CADM1: variants seen among roughly 807,000 people sequenced by gnomAD.
The protein encoded by CADM1 is cell adhesion molecule 1, also known as TSLC-1.
A neutral mutation model predicts 53.1 loss-of-function variants in CADM1; 15 were observed. That is an observed-to-expected ratio of 0.28 (90% CI 0.19 to 0.44). The LOEUF (loss-of-function observed/expected upper bound fraction) is 0.44. CADM1 is among the 20% of genes least tolerant of loss of function. The pLI is 1.00. For missense variants in CADM1, 434 were observed against 611.3 expected (o/e 0.71, Z 3.06); for synonymous variants, 281 against 243.0 (o/e 1.16, Z -1.45).
intron 1 of CADM1, among the ~76,000 whole-genome samples, chr11:115,284,087 A>ACTCTCTCTCTCTCTCTCTCTCTCTCTCT (rs141079093): frequency 5.9e-4 from 28 of 47,576 alleles, no homozygotes; most frequent in East Asian, 3.5e-3. Flanking sequence ...AAGCCCAGAC[A>ACTCTCTCTCTCTCTCTCTCTCTCTCTCT]CTCTCTCTCT....
At chr11:115,334,546 T>C (rs1483908001) in intron 1 of CADM1, among the ~76,000 whole-genome samples, 1 of 152,160 alleles carries the variant, frequency 6.6e-6, no homozygotes, top group Non-Finnish European at 1.5e-5. Context: ...ATAATTGTTT[T>C]ATTGTTGTTG....
At chr11:115,356,591 T>A (rs974744551) in intron 1 of CADM1, among the ~76,000 whole-genome samples, 2 of 152,188 alleles carry the variant, frequency 1.3e-5, no homozygotes, top group African/African-American at 4.8e-5. Flanking sequence ...CATATCCTTA[T>A]AAGGGATTTT....
intron 7 of CADM1, among the ~76,000 whole-genome samples, chr11:115,210,405 C>CT (rs1940904219): frequency 6.6e-6 from 1 of 152,128 alleles, no homozygotes. Flanking sequence ...ATAAATGAGA[C>CT]TCGACCTTCA....
rs191268056 is a variant in CADM1, at chr11:115,171,953, C to T, written c.*4521G>A. ...TTCGTAGCCCTGGGTAACCTTCTAT[C>T]GTTTTAGTCACCATTTGCCTCTATC... On this transcript the variant is annotated 3_prime_UTR_variant, in exon 12 of 12. Transcript: ENST00000331581. The T allele has an allele frequency of 5.9e-5, 9 of 152,370 alleles. No individual in the cohort carries two copies. Among genetic ancestry groups the T allele is most frequent in the Admixed American group, 2.0e-4 (3 of 15,300 alleles). 9.4% of individuals were successfully genotyped at this position (152,370 alleles called of 1,614,324 possible). A position where few individuals can be genotyped will look rare whatever the true frequency, so the allele number is the denominator to read the frequency against.
intron 1 of CADM1, among the ~76,000 whole-genome samples, chr11:115,431,781 C>A (rs1321248172): frequency 1.3e-5 from 2 of 152,196 alleles, no homozygotes; most frequent in East Asian, 3.9e-4. Context: ...CTCCACGAAG[C>A]CCTCCCTGGC....
intron 9 of CADM1, among the ~76,000 whole-genome samples, chr11:115,193,009 G>C (rs992714048): frequency 6.6e-6 from 1 of 152,164 alleles, no homozygotes; most frequent in Non-Finnish European, 1.5e-5. Context: ...GCCATAGTTG[G>C]ACAATTTCTG....
intron 1 of CADM1, among the ~76,000 whole-genome samples, chr11:115,357,350 T>C (rs902779577): frequency 1.3e-5 from 2 of 152,154 alleles, no homozygotes; most frequent in African/African-American, 4.8e-5. Flanking sequence ...CAGCACTGGG[T>C]TCATTCATTC....
chr11:115,321,227 A>G (rs1311306256), intron 1 of CADM1, among the ~76,000 whole-genome samples: 2 of 152,242 alleles, frequency 1.3e-5, no homozygotes, highest in Non-Finnish European at 2.9e-5. Flanking sequence ...AATTCTACTT[A>G]CCAATTTGGT....
intron 1 of CADM1, among the ~76,000 whole-genome samples, chr11:115,248,248 C>T (rs1942472120): frequency 6.6e-6 from 1 of 152,200 alleles, no homozygotes. Flanking sequence ...AAACTCTTTT[C>T]AAGGAAGACT....
chr11:115,187,464 T>C (rs539995013), intron 10 of CADM1, among the ~76,000 whole-genome samples: 5 of 152,344 alleles, frequency 3.3e-5, no homozygotes, highest in African/African-American at 1.2e-4. Flanking sequence ...AGTCTCTTTC[T>C]GTTGCCCAGG....
chr11:115,172,066 C>T lies in CADM1; in HGVS notation c.*4408G>A, dbSNP rs1446142218. ...TGCATATCTCACTGATCTTTCCTAA[C>T]AACCTTCGAGGCTATGGTGATGTCC... On this transcript the variant is annotated 3_prime_UTR_variant, in exon 12 of 12. Transcript: ENST00000331581. 1 of 152,266 alleles carries T rather than the reference C, an allele frequency of 6.6e-6. No individual in the cohort carries two copies. The highest frequency in any genetic ancestry group is 2.4e-5 in the African/African-American group (1 of 41,452). The allele number at this position is 152,266 out of a possible 1,614,324, so 9.4% of individuals were successfully genotyped here.
rs1388879493 is a variant in CADM1, at chr11:115,306,235, A to G, written c.125-65815T>C. Among the ~76,000 whole-genome samples the G allele has an allele frequency of 3.3e-5, 5 of 152,072 alleles. No homozygotes were observed. In the South Asian group the frequency reaches 6.2e-4, roughly 19 times the overall value. Reference sequence around the variant, plus strand: ...TTTAGATATGTTTAGATACACAAACACCATTGTGTTACAATTGATTACAGT... The same window carrying G: ...TTTAGATATGTTTAGATACACAAACGCCATTGTGTTACAATTGATTACAGT... On this transcript the variant is annotated intron_variant, in intron 1 of 11. Coordinates refer to ENST00000331581, the MANE Select transcript of CADM1 (RefSeq NM_001301043.2).
intron 1 of CADM1, among the ~76,000 whole-genome samples, chr11:115,273,699 T>C (rs1322485222): frequency 1.3e-5 from 2 of 152,230 alleles, no homozygotes; most frequent in Non-Finnish European, 2.9e-5. Context: ...AAATGGTAAA[T>C]GCCTTTCTAC....
At chr11:115,397,492 CCAGT>C (rs1191724855) in intron 1 of CADM1, 4 of 152,104 alleles carry the variant, frequency 2.6e-5, no homozygotes, top group Non-Finnish European at 5.9e-5. Flanking sequence ...AGGCTCCTCC[CCAGT>C]CAAAGAGGAG....
intron 1 of CADM1, among the ~76,000 whole-genome samples, chr11:115,419,397 A>G (rs1219659454): frequency 6.6e-6 from 1 of 152,214 alleles, no homozygotes; most frequent in Non-Finnish European, 1.5e-5. Context: ...CCAGTAGAAG[A>G]TTCTTTAAAA....
intron 1 of CADM1, among the ~76,000 whole-genome samples, chr11:115,347,619 G>A (rs950051778): frequency 5.3e-5 from 8 of 152,142 alleles, no homozygotes; most frequent in Non-Finnish European, 1.2e-4. Flanking sequence ...TTCCTGACAT[G>A]AAAATATAAA....
intron 7 of CADM1, among the ~76,000 whole-genome samples, chr11:115,212,307 T>C (rs1481142375): frequency 1.3e-5 from 2 of 152,222 alleles, no homozygotes; most frequent in Non-Finnish European, 2.9e-5. Context: ...ATTATGGTAG[T>C]AATACAACAA....
At chr11:115,454,408 A>C (rs181242388) in intron 1 of CADM1, among the ~76,000 whole-genome samples, 7 of 152,358 alleles carry the variant, frequency 4.6e-5, no homozygotes, top group Admixed American at 3.3e-4. Flanking sequence ...CCTGCCAGGT[A>C]AATCAAAATG....
intron 1 of CADM1, among the ~76,000 whole-genome samples, chr11:115,384,264 A>C (rs1037209184): frequency 3.3e-5 from 5 of 152,176 alleles, no homozygotes; most frequent in Non-Finnish European, 7.3e-5. Context: ...GCTCTTTTAA[A>C]GTGTCTGCCC....
Sources: allele counts gnomAD v4.1 joint callset (sites outside exome capture counted in the v4.1 genomes callset), GRCh38; gene constraint gnomAD v4.1.1; transcripts MANE v1.5; gene names NCBI Gene and HGNC (gene_info 2026-07-23, HGNC 2026-07-21).